TMEM182: variants seen among roughly 807,000 people sequenced by gnomAD.
The protein encoded by TMEM182 is transmembrane protein 182.
A neutral mutation model predicts 26.8 loss-of-function variants in TMEM182; 20 were observed. The observed-to-expected ratio is 0.75, with a 90% confidence interval of 0.53 to 1.09. TMEM182 has a LOEUF of 1.09. Ranked by LOEUF, TMEM182 falls within the 50% of genes least tolerant of loss-of-function variation. TMEM182 has a pLI of 0.00. For missense variants in TMEM182, 277 were observed against 275.5 expected, an observed-to-expected ratio of 1.01 and a Z score of -0.04; for synonymous variants, 109 against 102.2, an observed-to-expected ratio of 1.07 and a Z score of -0.40.
At chr2:102,779,466 G>T (rs1681066441) in intron 3 of TMEM182, among the ~76,000 whole-genome samples, 1 of 152,026 alleles carries the variant, frequency 6.6e-6, no homozygotes, top group Non-Finnish European at 1.5e-5. Flanking sequence ...GTGAATGTTA[G>T]ACCTTTTGTT....
At chr2:102,803,363 G>A (rs531493842) in intron 4 of TMEM182, among the ~76,000 whole-genome samples, 1 of 152,300 alleles carries the variant, frequency 6.6e-6, no homozygotes, top group South Asian at 2.1e-4. Flanking sequence ...TCCCTGCTCT[G>A]GAGGCAGTGC....
At chr2:102,753,201 C>CA (rs1553436424) in intron 1 of TMEM182, among the ~76,000 whole-genome samples, 5 of 81,670 alleles carry the variant, frequency 6.1e-5, no homozygotes, top group South Asian at 4.0e-4. Context: ...GCTTCCCCCC[C>CA]CCACTGCCTT....
At position 102,764,387 on chromosome 2, in the gene TMEM182, G is replaced by A; in HGVS notation, c.291G>A (p.Met97Ile). 2 of 1,613,876 alleles carry A rather than the reference G, an allele frequency of 1.2e-6. No individual in the cohort carries two copies. The highest frequency in any genetic ancestry group is 1.1e-5 in the South Asian group (1 of 91,070). Reference protein sequence around the residue: ...THAYLSPYPFMRGEHNSTSYD... With the variant: ...THAYLSPYPFIRGEHNSTSYD... ...CTTACCTGTCTCCGTACCCCTTCAT[G>A]AGAGGCGAGCACAACTCGACCTCCT... Residue 97 changes from methionine (M) to isoleucine (I), a missense_variant, in exon 3 of 5, where the codon ATG becomes ATA. Physicochemically the swap from Met to Ile is conservative, Grantham distance 10 (BLOSUM62 1). Transcript: ENST00000412401.
intron 3 of TMEM182, among the ~76,000 whole-genome samples, chr2:102,783,209 T>C (rs1681247718): frequency 6.6e-6 from 1 of 152,218 alleles, no homozygotes; most frequent in Non-Finnish European, 1.5e-5. Context: ...TCCTAAACCA[T>C]ATACAGAGTA....
chr2:102,793,914 A>G (rs1191836196), intron 3 of TMEM182, among the ~76,000 whole-genome samples: 1 of 152,118 alleles, frequency 6.6e-6, no homozygotes, highest in African/African-American at 2.4e-5. Context: ...TAATAATAGC[A>G]ATAAAAGCCA....
chr2:102,798,019 G>A lies in TMEM182; in HGVS notation c.469+19G>A, dbSNP rs745720456. The A allele has an allele frequency of 5.7e-6, 9 of 1,585,582 alleles. No individual in the cohort carries two copies. Among genetic ancestry groups the A allele is most frequent in the Non-Finnish European group, 7.7e-6 (9 of 1,170,510 alleles). On this transcript the variant is annotated intron_variant, in intron 4 of 4. Transcript: ENST00000412401. ...GCTGCAGGTACGTACGGTGCAATGGGTATGACTTTCAGCCACGGTTTTTCT... is the reference window on the plus strand; with the variant it reads ...GCTGCAGGTACGTACGGTGCAATGGATATGACTTTCAGCCACGGTTTTTCT...
At chr2:102,803,921 T>C (rs1164534002) in intron 4 of TMEM182, among the ~76,000 whole-genome samples, 4 of 148,682 alleles carry the variant, frequency 2.7e-5, no homozygotes, top group African/African-American at 7.5e-5. Flanking sequence ...TGCAGGCACA[T>C]GCAGCTCTGC....
chr2:102,826,878 T>A (rs1683040839), intron 3 of TMEM182, among the ~76,000 whole-genome samples: 1 of 152,162 alleles, frequency 6.6e-6, no homozygotes, highest in African/African-American at 2.4e-5. Context: ...ACAAGTTACA[T>A]GGATGTGTTT....
At chr2:102,793,069 C>A (rs1254281247) in intron 3 of TMEM182, among the ~76,000 whole-genome samples, 2 of 152,130 alleles carry the variant, frequency 1.3e-5, no homozygotes, top group East Asian at 3.9e-4. Flanking sequence ...CCTGGGCTTC[C>A]CTGGCTCATC....
At chr2:102,752,866 T>A (rs1295101186) in intron 1 of TMEM182, among the ~76,000 whole-genome samples, 1 of 152,236 alleles carries the variant, frequency 6.6e-6, no homozygotes, top group Non-Finnish European at 1.5e-5. Flanking sequence ...AAAAGAAATG[T>A]GCAGAGCACT....
intron 3 of TMEM182, among the ~76,000 whole-genome samples, chr2:102,841,492 C>G (rs547571334): frequency 1.9e-4 from 29 of 152,280 alleles, no homozygotes; most frequent in African/African-American, 7.0e-4. Context: ...CTTTGGCAAG[C>G]CGAGCCCCAG....
chr2:102,749,011 T>A (rs1426004990), intron 1 of TMEM182, among the ~76,000 whole-genome samples: 1 of 152,166 alleles, frequency 6.6e-6, no homozygotes, highest in Non-Finnish European at 1.5e-5. Flanking sequence ...TTTATCACAA[T>A]AAATGGATTT....
intron 3 of TMEM182, among the ~76,000 whole-genome samples, chr2:102,796,271 C>T (rs1681864772): frequency 6.6e-6 from 1 of 152,204 alleles, no homozygotes; most frequent in Non-Finnish European, 1.5e-5. Context: ...ACTTGACTTT[C>T]CTTCTCACTC....
chr2:102,806,103 A>G (rs944026919), intron 4 of TMEM182, among the ~76,000 whole-genome samples: 3 of 152,196 alleles, frequency 2.0e-5, no homozygotes, highest in African/African-American at 7.2e-5. Flanking sequence ...CTATCCCCCA[A>G]ATAGTCACTT....
chr2:102,821,031 C>A (rs961543500), downstream of TMEM182, among the ~76,000 whole-genome samples: 1 of 152,128 alleles, frequency 6.6e-6, no homozygotes, highest in Non-Finnish European at 1.5e-5. Flanking sequence ...AGTTGGATTT[C>A]TCAAAGTCCT....
chr2:102,767,527 A>G (rs1226985941), intron 3 of TMEM182, among the ~76,000 whole-genome samples: 2 of 152,178 alleles, frequency 1.3e-5, no homozygotes, highest in Non-Finnish European at 2.9e-5. Flanking sequence ...CAACCCTGAG[A>G]GAATTAATTT....
At chr2:102,741,702 A>G (rs1458290422) in intron 1 of TMEM182, among the ~76,000 whole-genome samples, 1 of 152,184 alleles carries the variant, frequency 6.6e-6, no homozygotes, top group Admixed American at 6.5e-5. Context: ...CCTACCCAAC[A>G]CCTTACAAAA....
rs1682537127 is a variant in TMEM182, at chr2:102,811,021, CA to C, written c.470-3725del. Among the ~76,000 whole-genome samples, 3 of 109,316 alleles carry C rather than the reference CA, an allele frequency of 2.7e-5. No individual in the cohort carries two copies. In the South Asian group the frequency reaches 9.7e-4, roughly 35 times the overall value. The allele number at this position is 109,316 out of a possible 152,430, so 71.7% of individuals were successfully genotyped here. A position where few individuals can be genotyped will look rare whatever the true frequency, so the allele number is the denominator to read the frequency against. On this transcript the variant is annotated intron_variant, in intron 4 of 4. Transcript: ENST00000412401. ...AATCCTTTTACCTAAAGACTCCGTT[CA>C]AGTTTTTCTAACTATTCCATTAATG...
chr2:102,799,284 A>G (rs563672480), intron 4 of TMEM182, among the ~76,000 whole-genome samples: 12 of 152,304 alleles, frequency 7.9e-5, no homozygotes, highest in Admixed American at 3.3e-4. Flanking sequence ...GCCCAGTGTC[A>G]TTTCATCAGT....
Sources: gnomAD v4.1 joint callset for allele counts (sites outside exome capture counted in the v4.1 genomes callset) on GRCh38, gnomAD v4.1.1 for gene constraint, MANE v1.5 for transcripts, NCBI Gene and HGNC (gene_info 2026-07-23, HGNC 2026-07-21) for gene names.